Variants in TNK2 observed in about 807,000 individuals in gnomAD.
TNK2 encodes activated CDC42 kinase 1.
In TNK2, 83 loss-of-function variants were observed where a neutral mutation model predicts 101.8. The observed-to-expected ratio is 0.82, with a 90% CI of 0.68 to 0.98. The LOEUF (loss-of-function observed/expected upper bound fraction) is 0.98. TNK2 is among the 50% of genes least tolerant of loss of function. The pLI, the probability that TNK2 is intolerant of heterozygous loss-of-function variation, is 0.00. For synonymous variants in TNK2, 804 were observed against 633.0 expected (o/e 1.27, Z -4.06); for missense variants, 1,665 against 1,483.2 (o/e 1.12, Z -2.01).
rs747507479 is a variant in TNK2, at chr3:195,888,636, G to A, written c.-18-30C>T. The A allele has an allele frequency of 1.8e-5, 29 of 1,580,230 alleles. No homozygotes were observed. Among genetic ancestry groups the A allele is most frequent in the Non-Finnish European group, 2.4e-5 (28 of 1,163,148 alleles). ...GGGGGGAGGAGTGGCTCAGGGACAAGGGTTGTGGGGGGACAACAGGGGCCT... is the reference window on the plus strand; with the variant it reads ...GGGGGGAGGAGTGGCTCAGGGACAAAGGTTGTGGGGGGACAACAGGGGCCT... On this transcript the variant is annotated intron_variant, in intron 1 of 15. Coordinates refer to ENST00000672887, the MANE Select transcript of TNK2 (RefSeq NM_001382273.1). The surrounding 1 kb of genome is among the most constrained non-coding windows in gnomAD (Gnocchi z 5.3).
rs1738863907 is a variant in TNK2, at chr3:195,863,898, C to T, written c.*283G>A. The T allele has an allele frequency of 2.2e-6, 1 of 462,964 alleles. No homozygotes were observed. Among genetic ancestry groups the T allele is most frequent in the Non-Finnish European group, 3.9e-6 (1 of 257,884 alleles). The allele number at this position is 462,964 out of a possible 1,614,324, so 28.7% of individuals were successfully genotyped here. A position where few individuals can be genotyped will look rare whatever the true frequency, so the allele number is the denominator to read the frequency against. On this transcript the variant is annotated 3_prime_UTR_variant, in exon 16 of 16. Coordinates refer to ENST00000672887, the MANE Select transcript of TNK2 (RefSeq NM_001382273.1). ...GACCAGGGCCAGAGGCAGGTCATAC[C>T]CAGAGCCTGCTGGGGCAGCCCTCAA...
intron 1 of TNK2, chr3:195,891,985 G>A (rs953355286): frequency 2.0e-6 from 2 of 1,003,710 alleles, no homozygotes; most frequent in Non-Finnish European, 2.4e-6. Context: ...GCATGTGGGA[G>A]GACGGGAAGG....
chr3:195,866,887 A>C lies in TNK2; in HGVS notation c.3161+2T>G. 6.2e-7 allele frequency: 1 copy of C among 1,609,846 alleles called. No individual in the cohort carries two copies. Among genetic ancestry groups the C allele is most frequent in the Non-Finnish European group, 8.5e-7 (1 of 1,178,670 alleles). On this transcript the variant is annotated splice_donor_variant, in intron 15 of 15. Coordinates refer to ENST00000672887, the MANE Select transcript of TNK2 (RefSeq NM_001382273.1). LOFTEE classifies it high-confidence loss of function. The stretch of plus-strand genomic sequence containing the variant: ...GCGGGGCAGACTGTGGGGCTCACTC[A>C]CTTGTGGTGGGCAGGGCCCCAGGAG...
chr3:195,895,378 G>A (rs756293058), intron 1 of TNK2: 4 of 1,550,840 alleles, frequency 2.6e-6, no homozygotes, highest in South Asian at 2.4e-5. Flanking sequence ...CACCGGCAGC[G>A]TCACTGCCCT....
chr3:195,865,076 G>A (rs1739736836), intron 15 of TNK2, among the ~76,000 whole-genome samples: 1 of 143,822 alleles, frequency 7.0e-6, no homozygotes, highest in Non-Finnish European at 1.5e-5. Context: ...GACACGGAGT[G>A]CCTGCGTCCC....
At chr3:195,891,661 C>A (rs1205955712) in intron 1 of TNK2, among the ~76,000 whole-genome samples, 1 of 152,134 alleles carries the variant, frequency 6.6e-6, no homozygotes, top group Non-Finnish European at 1.5e-5. Flanking sequence ...AAGTGACCCC[C>A]CCCCTCCAGG....
Position 195,867,993 on chromosome 3 carries a change from C to T in TNK2, c.2305G>A (p.Val769Ile), listed in dbSNP as rs772366417. The T allele has an allele frequency of 2.5e-5, 39 of 1,560,136 alleles. No homozygotes were observed. The Middle Eastern group carries it at 5.1e-4, about 20-fold the overall frequency. Residue 769 changes from valine (V) to isoleucine (I), a missense_variant, in exon 13 of 16, where the codon GTC becomes ATC. Physicochemically the swap from Val to Ile is conservative, Grantham distance 29. Transcript: ENST00000672887. ...CCCGGGGGGGCTGGAGACAGCTGGA[C>T]GTGTGGGCGCGTGGGCCGAGGGGGG... ...PIPPRPTRPH[V>I]QLSPAPPGEE...
chr3:195,887,249 G>A (rs1756098771), intron 2 of TNK2, among the ~76,000 whole-genome samples: 1 of 152,258 alleles, frequency 6.6e-6, no homozygotes, highest in South Asian at 2.1e-4. Flanking sequence ...CTCAAACTGG[G>A]TGAAGGTGTT....
intron 10 of TNK2, among the ~76,000 whole-genome samples, chr3:195,871,145 G>A (rs1036099691): frequency 1.3e-5 from 2 of 151,704 alleles, no homozygotes; most frequent in African/African-American, 4.8e-5. Context: ...CAGGGGCCTG[G>A]AATCCCCCTG....
chr3:195,876,353 G>C (rs752819351), intron 9 of TNK2: 3 of 453,320 alleles, frequency 6.6e-6, no homozygotes, highest in African/African-American at 2.0e-5. Context: ...ACACAGCTTC[G>C]CAAGTGGGAA....
intron 6 of TNK2, among the ~76,000 whole-genome samples, chr3:195,879,856 GAAC>G (rs1038262536): frequency 6.6e-6 from 1 of 152,048 alleles, no homozygotes; most frequent in Non-Finnish European, 1.5e-5. Context: ...GGTGAAATGA[GAAC>G]AATAACCCGC....
At chr3:195,865,266 C>A (rs1284188649) in intron 15 of TNK2, among the ~76,000 whole-genome samples, 1 of 114,940 alleles carries the variant, frequency 8.7e-6, no homozygotes. Flanking sequence ...CAGGTGACAG[C>A]GAGTGCCTGC....
rs764817443 is a variant in TNK2 at position 195,878,243 on chromosome 3, C to G, written c.1256+10G>C. 1.9e-6 allele frequency: 3 copies of G among 1,613,982 alleles called. No individual in the cohort carries two copies. The highest frequency in any genetic ancestry group is 1.3e-5 in the African/African-American group (1 of 75,060). On this transcript the variant is annotated intron_variant, in intron 9 of 15. Coordinates refer to ENST00000672887, the MANE Select transcript of TNK2 (RefSeq NM_001382273.1). The surrounding 1 kb of genome is among the most constrained non-coding windows in gnomAD (Gnocchi z 4.7). ...GATCCCAGGGCGGGGCCCAGCCCTG[C>G]ACTCCCTACCTTCCCTCGATGACGG...
rs148868919 is a variant in TNK2, at chr3:195,891,797, C to G, written c.-18-3191G>C. 1,327 of 432,152 alleles carry G rather than the reference C, an allele frequency of 3.1e-3. 16 individuals carry two copies. The highest frequency in any genetic ancestry group is 0.026 in the African/African-American group (1,220 of 46,604). 26.8% of individuals were successfully genotyped at this position (432,152 alleles called of 1,614,324 possible). A position where few individuals can be genotyped will look rare whatever the true frequency, so the allele number is the denominator to read the frequency against. ...CTCCTCTAGGCTCCTGAAAACAGCT[C>G]AAAGCCATGCCCGGGGTGGTCAGGG... is the stretch of plus-strand genomic sequence containing the variant. On this transcript the variant is annotated intron_variant, in intron 1 of 15. Coordinates refer to ENST00000672887, the MANE Select transcript of TNK2 (RefSeq NM_001382273.1).
In TNK2 at chr3:195,887,064, G is replaced by A. The variant is rs781309103; in HGVS notation, c.164-17C>T. ...GCCGCTGGCCTGCAGGGAGAGCGGGGAACCGCGTGCTGTGAAGGCCGCCGT... is the reference window on the plus strand; with the variant it reads ...GCCGCTGGCCTGCAGGGAGAGCGGGAAACCGCGTGCTGTGAAGGCCGCCGT... On this transcript the variant is annotated splice_polypyrimidine_tract_variant and intron_variant, in intron 2 of 15. Transcript: ENST00000672887. The A allele has an allele frequency of 2.4e-5, 38 of 1,608,334 alleles. No individual in the cohort carries two copies. The highest frequency in any genetic ancestry group is 3.1e-5 in the Non-Finnish European group (37 of 1,177,152).
Position 195,885,267 on chromosome 3 carries a change from C to A in TNK2, c.235-234G>T. 1.7e-6 allele frequency: 2 copies of A among 1,174,026 alleles called. No individual in the cohort carries two copies. Among genetic ancestry groups the A allele is most frequent in the South Asian group, 3.2e-5 (2 of 61,992 alleles). 72.7% of individuals were successfully genotyped at this position (1,174,026 alleles called of 1,614,324 possible). A position where few individuals can be genotyped will look rare whatever the true frequency, so the allele number is the denominator to read the frequency against. On this transcript the variant is annotated intron_variant, in intron 3 of 15. Transcript: ENST00000672887. This position sits in a 1 kb window ranked among gnomAD's most constrained non-coding sequence, Gnocchi z 4.7. ...CTCAAGGAGGGTGCCAGAAAGAGAC[C>A]GACAGGCATGCAGCCTGTGGCTGAG...
At chr3:195,904,757 C>T (rs564844188) in intron 1 of TNK2, among the ~76,000 whole-genome samples, 13 of 152,148 alleles carry the variant, frequency 8.5e-5, no homozygotes, top group Non-Finnish European at 1.5e-4. Context: ...TTTACAATAG[C>T]ATAAAAATAG....
Position 195,882,196 on chromosome 3 carries a change from A to T in TNK2, c.742T>A (p.Phe248Ile). Residue 248 changes from phenylalanine to isoleucine, a missense_variant, in exon 6 of 16, where the codon TTT becomes ATT. Around this residue, in one of 3 missense-constraint regions of TNK2, gnomAD observed 490 missense variants for 522.5 expected, o/e 0.94. Coordinates refer to ENST00000672887, the MANE Select transcript of TNK2 (RefSeq NM_001382273.1). The surrounding 1 kb of genome is among the most constrained non-coding windows in gnomAD (Gnocchi z 4.2). Reference sequence around the variant, plus strand: ...CGGGCAGCCAGGTCACGGTGAATAAAGCGCTTGGACTCCAGGTAGCCCATG... The same window carrying T: ...CGGGCAGCCAGGTCACGGTGAATAATGCGCTTGGACTCCAGGTAGCCCATG... ...EGMGYLESKR[F>I]IHRDLAARNL... The T allele has an allele frequency of 6.2e-7, 1 of 1,613,900 alleles. No homozygotes were observed. Among genetic ancestry groups the T allele is most frequent in the Non-Finnish European group, 8.5e-7 (1 of 1,180,010 alleles).
rs1053679769 is a variant in TNK2, at chr3:195,869,506, A to G, written c.1579T>C (p.Phe527Leu). The change falls in exon 12 of 16, where the codon TTC becomes CTC. Residue 527 changes from phenylalanine to leucine, a missense_variant. Phe to Leu is a conservative substitution (Grantham distance 22). Transcript: ENST00000672887. ...PPPRPPQPAF[F>L]TQKPTYDPVS... ...AAGCAGCCCCACTTACTCTGAGTGAAGAAGGCAGGCTGAGGTGGGCGAGGT... is the reference window on the plus strand; with the variant it reads ...AAGCAGCCCCACTTACTCTGAGTGAGGAAGGCAGGCTGAGGTGGGCGAGGT... 1 of 1,550,950 alleles carries G rather than the reference A, an allele frequency of 6.4e-7. No individual in the cohort carries two copies. The highest frequency in any genetic ancestry group is 8.7e-7 in the Non-Finnish European group (1 of 1,146,956).
Sources: gnomAD v4.1 joint callset for allele counts (sites outside exome capture counted in the v4.1 genomes callset) on GRCh38, gnomAD v4.1.1 for gene constraint, gnomAD v4.1.1 regional missense constraint, Gnocchi (gnomAD v3.1) non-coding constraint, MANE v1.5 for transcripts, NCBI Gene and HGNC (gene_info 2026-07-23, HGNC 2026-07-21) for gene names.